IMPG1: variants seen among roughly 807,000 people sequenced by gnomAD.
IMPG1 encodes interphotoreceptor matrix proteoglycan of 150 kDa.
IMPG1 carries 85 observed loss-of-function variants against 92.0 expected under a neutral mutation model. The observed-to-expected ratio is 0.92, with a 90% CI of 0.78 to 1.11. The LOEUF is 1.11. Ranked by LOEUF, IMPG1 falls within the 50% of genes least tolerant of loss-of-function variation. The pLI is 0.00. For synonymous variants in IMPG1, 367 were observed against 334.1 expected (o/e 1.10, Z -1.08); for missense variants, 1,022 against 956.0 (o/e 1.07, Z -0.91).
chr6:76,061,737 C>T (rs76974116), intron 1 of IMPG1, among the ~76,000 whole-genome samples: 119 of 152,142 alleles, frequency 7.8e-4, no homozygotes, highest in African/African-American at 2.8e-3. Context: ...TTGAATGTCA[C>T]AAGCAATTAA....
intron 6 of IMPG1, among the ~76,000 whole-genome samples, chr6:76,020,822 A>G (rs985425413): frequency 3.3e-5 from 5 of 152,144 alleles, no homozygotes; most frequent in African/African-American, 9.7e-5. Flanking sequence ...TTAACCCTAT[A>G]TATATAGTGT....
chr6:75,990,742 C>T (rs947051290), intron 12 of IMPG1, among the ~76,000 whole-genome samples: 1 of 151,902 alleles, frequency 6.6e-6, no homozygotes, highest in Non-Finnish European at 1.5e-5. Context: ...TGTAGACTCC[C>T]CTCCTGTAAA....
At chr6:76,037,054 G>A (rs1026991855) in intron 2 of IMPG1, among the ~76,000 whole-genome samples, 1 of 152,124 alleles carries the variant, frequency 6.6e-6, no homozygotes, top group Admixed American at 6.5e-5. Context: ...GAAACAATTG[G>A]AGCCTTTAGG....
At position 75,921,896 on chromosome 6, in the gene IMPG1, T is replaced by A. The variant is rs1781436926; in HGVS notation, c.*193A>T. ...TTGGGGTTTTAATAATAAGTAAGTG[T>A]CTTTTTCTTCAGAATTTACTGGTTG... is the stretch of plus-strand genomic sequence containing the variant. On this transcript the variant is annotated 3_prime_UTR_variant, in exon 17 of 17. Transcript: ENST00000369950. 2 of 425,408 alleles carry A rather than the reference T, an allele frequency of 4.7e-6. No homozygotes were observed. The highest frequency in any genetic ancestry group is 8.4e-6 in the Non-Finnish European group (2 of 238,186). The allele number at this position is 425,408 out of a possible 1,614,324, so 26.4% of individuals were successfully genotyped here. A position where few individuals can be genotyped will look rare whatever the true frequency, so the allele number is the denominator to read the frequency against.
chr6:76,033,560 A>AT (rs1199401095), intron 4 of IMPG1, among the ~76,000 whole-genome samples: 4 of 152,322 alleles, frequency 2.6e-5, no homozygotes, highest in Admixed American at 2.0e-4. Flanking sequence ...CAGATTAGAC[A>AT]TTTTTCACAG....
chr6:76,056,571 T>C (rs1159415743), intron 1 of IMPG1, among the ~76,000 whole-genome samples: 5 of 152,250 alleles, frequency 3.3e-5, no homozygotes, highest in South Asian at 2.1e-4. Flanking sequence ...CTGGATAGTA[T>C]GGTAATTCTA....
intron 4 of IMPG1, among the ~76,000 whole-genome samples, chr6:76,028,754 A>G (rs904925415): frequency 6.6e-6 from 1 of 152,036 alleles, no homozygotes; most frequent in African/African-American, 2.4e-5. Flanking sequence ...GGGAGGCAGA[A>G]CTTGCAGTGA....
intron 12 of IMPG1, among the ~76,000 whole-genome samples, chr6:75,999,211 C>G (rs1354882750): frequency 6.6e-6 from 1 of 152,120 alleles, no homozygotes; most frequent in African/African-American, 2.4e-5. Context: ...GGCTTGGGAT[C>G]AGCTACTACA....
intron 8 of IMPG1, among the ~76,000 whole-genome samples, chr6:76,010,274 C>T (rs1404506959): frequency 6.6e-6 from 1 of 152,222 alleles, no homozygotes; most frequent in Non-Finnish European, 1.5e-5. Flanking sequence ...GGAGCCCACG[C>T]TCCCTGGTTT....
chr6:76,029,813 G>C (rs974365414), intron 4 of IMPG1, among the ~76,000 whole-genome samples: 2 of 152,158 alleles, frequency 1.3e-5, no homozygotes, highest in African/African-American at 2.4e-5. Context: ...CATAACTATA[G>C]CTACCAGTTA....
chr6:75,947,669 T>C, intron 13 of IMPG1, 136 bp from the exon 14 acceptor site: 1 of 660,284 alleles, frequency 1.5e-6, no homozygotes, highest in African/African-American at 1.8e-5. Flanking sequence ...TGTTTTTGGA[T>C]TTAATGTGAG....
intron 12 of IMPG1, among the ~76,000 whole-genome samples, chr6:75,999,897 C>A (rs920822212): frequency 6.6e-6 from 1 of 152,252 alleles, no homozygotes; most frequent in African/African-American, 2.4e-5. Flanking sequence ...AGACTGTCAG[C>A]ACCTAGCCCC....
chr6:76,025,992 C>T (rs1035967315), intron 4 of IMPG1, among the ~76,000 whole-genome samples: 1 of 152,140 alleles, frequency 6.6e-6, no homozygotes, highest in African/African-American at 2.4e-5. Context: ...CTGGCCTGCC[C>T]TCAGGGATGG....
rs188918675 is a variant in IMPG1 at position 76,024,205 on chromosome 6, C to T, written c.562+989G>A. Among the ~76,000 whole-genome samples the T allele has an allele frequency of 5.9e-5, 9 of 152,258 alleles. No individual in the cohort carries two copies. The East Asian group carries it at 1.7e-3, about 29-fold the overall frequency. On this transcript the variant is annotated intron_variant, in intron 5 of 16. Transcript: ENST00000369950. ...TTGAAATATAGGCACAGCCGGCTTT[C>T]TCTGAATGTCAGTAAAGGAAGAAAT...
chr6:76,051,017 A>C (rs1319261429), intron 1 of IMPG1, among the ~76,000 whole-genome samples: 1 of 152,224 alleles, frequency 6.6e-6, no homozygotes, highest in Non-Finnish European at 1.5e-5. Flanking sequence ...AATTCACTGT[A>C]ATTTCTACAG....
chr6:75,966,029 T>C (rs1782303921), intron 12 of IMPG1, among the ~76,000 whole-genome samples: 1 of 152,198 alleles, frequency 6.6e-6, no homozygotes, highest in Non-Finnish European at 1.5e-5. Context: ...TTGTTCCGTC[T>C]AGGATATACG....
At chr6:76,069,810 A>G (rs1784377073) in intron 1 of IMPG1, among the ~76,000 whole-genome samples, 3 of 152,276 alleles carry the variant, frequency 2.0e-5, no homozygotes, top group Non-Finnish European at 4.4e-5. Flanking sequence ...CAAACCAAAA[A>G]TGAAATCATG....
intron 1 of IMPG1, among the ~76,000 whole-genome samples, chr6:76,063,767 G>A (rs1326324644): frequency 6.6e-6 from 1 of 152,206 alleles, no homozygotes; most frequent in African/African-American, 2.4e-5. Flanking sequence ...AGGGCTGGGT[G>A]ACTCCAAGAG....
chr6:76,032,842 G>A (rs1368329414), intron 4 of IMPG1, among the ~76,000 whole-genome samples: 1 of 152,120 alleles, frequency 6.6e-6, no homozygotes, highest in Admixed American at 6.5e-5. Context: ...TGAGGAAGAG[G>A]CATGGTGGCA....
Sources: gnomAD v4.1 joint callset for allele counts (sites outside exome capture counted in the v4.1 genomes callset) on GRCh38, gnomAD v4.1.1 for gene constraint, MANE v1.5 for transcripts, NCBI Gene and HGNC (gene_info 2026-07-23, HGNC 2026-07-21) for gene names.